Variants in URI1 observed in about 807,000 individuals in gnomAD.
URI1 encodes the protein unconventional prefoldin RPB5 interactor 1.
URI1 carries 39 observed loss-of-function variants against 60.2 expected under a neutral mutation model. The observed-to-expected ratio is 0.65, with a 90% CI of 0.50 to 0.85. The LOEUF (loss-of-function observed/expected upper bound fraction) is 0.85, where lower values mean the gene tolerates loss of function less well. Among genes scored for constraint, URI1 ranks in the 40% least tolerant of loss-of-function variants. The probability of loss-of-function intolerance (pLI) is 0.00; values close to 1 mark genes in which losing one functional copy is unlikely to be tolerated. For synonymous variants in URI1, 251 were observed against 236.8 expected (o/e 1.06, Z -0.55); for missense variants, 691 against 665.9 (o/e 1.04, Z -0.42).
At chr19:29,999,368 G>A (rs2055850411) in intron 4 of URI1, among the ~76,000 whole-genome samples, 1 of 152,066 alleles carries the variant, frequency 6.6e-6, no homozygotes, top group Non-Finnish European at 1.5e-5. Flanking sequence ...GGTGAGGAAT[G>A]CCCTCAACTC....
At chr19:29,983,478 T>G (rs770414526) in intron 2 of URI1, among the ~76,000 whole-genome samples, 13 of 152,226 alleles carry the variant, frequency 8.5e-5, no homozygotes, top group Non-Finnish European at 1.3e-4. Flanking sequence ...TTCTGTGATG[T>G]TTGTCATTTA....
chr19:30,012,185 C>G (rs1042952442), intron 9 of URI1, 100 bp from the exon 10 acceptor site: 1 of 1,379,448 alleles, frequency 7.2e-7, no homozygotes, highest in Non-Finnish European at 9.7e-7. Context: ...TAAAAATTTT[C>G]AGATTAATTT....
At chr19:29,972,956 C>T (rs905569381) in intron 2 of URI1, among the ~76,000 whole-genome samples, 1 of 152,058 alleles carries the variant, frequency 6.6e-6, no homozygotes, top group Non-Finnish European at 1.5e-5. Context: ...TTTGCATTTT[C>T]CTCTGAATCA....
At chr19:30,013,103 G>A (rs1279414634) in intron 10 of URI1, among the ~76,000 whole-genome samples, 1 of 152,150 alleles carries the variant, frequency 6.6e-6, no homozygotes, top group East Asian at 1.9e-4. Context: ...TTTTGGTGGT[G>A]GTGCAGGGGA....
At chr19:29,935,502 T>C (rs971225507) in intron 1 of URI1, among the ~76,000 whole-genome samples, 2 of 152,156 alleles carry the variant, frequency 1.3e-5, no homozygotes, top group Admixed American at 1.3e-4. Flanking sequence ...TTATCAGTGT[T>C]CTTTTTTTTT....
intron 1 of URI1, among the ~76,000 whole-genome samples, chr19:29,950,955 C>T (rs769625681): frequency 6.6e-6 from 1 of 152,152 alleles, no homozygotes; most frequent in East Asian, 1.9e-4. Context: ...CATGAAGAAA[C>T]AAACATTTTT....
chr19:29,936,896 G>A (rs2054978042), intron 1 of URI1, among the ~76,000 whole-genome samples: 1 of 152,116 alleles, frequency 6.6e-6, no homozygotes, highest in Non-Finnish European at 1.5e-5. Context: ...AGGGTTACAG[G>A]TGCGCGTCAC....
In URI1 at chr19:30,009,107, C is replaced by T. The variant is rs1325704849; in HGVS notation, c.789C>T (p.Asp263=). 4 of 1,613,982 alleles carry T rather than the reference C, an allele frequency of 2.5e-6. No homozygotes were observed. Among genetic ancestry groups the T allele is most frequent in the Non-Finnish European group, 3.4e-6 (4 of 1,179,930 alleles). Residue 263 remains aspartate (D), a synonymous_variant, in exon 8 of 11, where the codon GAC becomes GAT. Transcript: ENST00000392271. The part of the protein sequence containing the change: ...TNVNAMHQVT[D]SHTPCHKDVA... ...TGAATGCGATGCATCAAGTAACAGA[C>T]TCTCATACTCCTTGTCATAAGGATG...
At chr19:29,949,962 A>G (rs1002148740) in intron 1 of URI1, among the ~76,000 whole-genome samples, 1 of 151,830 alleles carries the variant, frequency 6.6e-6, no homozygotes, top group African/African-American at 2.4e-5. Flanking sequence ...GAGGTTACTT[A>G]TTTTTTAAGA....
chr19:29,961,642 G>C (rs1363672181), intron 1 of URI1, among the ~76,000 whole-genome samples: 1 of 148,108 alleles, frequency 6.8e-6, no homozygotes, highest in East Asian at 2.0e-4. Context: ...TGGGTGTTTG[G>C]TTTAAGTATC....
intron 4 of URI1, among the ~76,000 whole-genome samples, chr19:29,999,772 GA>G (rs545765023): frequency 6.6e-6 from 1 of 151,792 alleles, no homozygotes; most frequent in Non-Finnish European, 1.5e-5. Flanking sequence ...ACAAATTTAT[GA>G]TTTTAGTTTA....
At chr19:30,006,116 A>T (rs1254574583) in intron 6 of URI1, among the ~76,000 whole-genome samples, 3 of 152,134 alleles carry the variant, frequency 2.0e-5, no homozygotes, top group South Asian at 4.1e-4. Context: ...AGAATGAATG[A>T]ATGTGGGTGT....
chr19:29,925,133 G>T lies in URI1; in HGVS notation c.63+1379G>T, dbSNP rs1318934595. Among the ~76,000 whole-genome samples, 24 of 152,380 alleles carry T rather than the reference G, an allele frequency of 1.6e-4. No homozygotes were observed. In the East Asian group the frequency reaches 3.9e-3, roughly 24 times the overall value. On this transcript the variant is annotated intron_variant, in intron 1 of 10. Coordinates refer to the URI1 transcript ENST00000360605. ...TTACAGGCGTGAGCCACCACACCTTGCTGCACCCTCTCTTGTTGATCCTTC... is the reference window on the plus strand; with the variant it reads ...TTACAGGCGTGAGCCACCACACCTTTCTGCACCCTCTCTTGTTGATCCTTC...
intron 1 of URI1, among the ~76,000 whole-genome samples, chr19:29,966,052 C>T (rs558437488): frequency 6.6e-6 from 1 of 152,208 alleles, no homozygotes; most frequent in Non-Finnish European, 1.5e-5. Context: ...TTGGACTTAG[C>T]TTTCATTAGC....
At chr19:29,974,817 C>G (rs960289254) in intron 2 of URI1, among the ~76,000 whole-genome samples, 1 of 152,172 alleles carries the variant, frequency 6.6e-6, no homozygotes, top group African/African-American at 2.4e-5. Context: ...TTAGCTCCCA[C>G]TTATAAGTGA....
chr19:29,967,327 G>T (rs533572705), intron 1 of URI1, among the ~76,000 whole-genome samples: 1 of 152,272 alleles, frequency 6.6e-6, no homozygotes, highest in South Asian at 2.1e-4. Context: ...GTCCTTCTAG[G>T]TGTCTAACCC....
intron 4 of URI1, among the ~76,000 whole-genome samples, chr19:29,988,570 GT>G (rs2055703026): frequency 1.3e-5 from 2 of 152,216 alleles, no homozygotes; most frequent in Non-Finnish European, 2.9e-5. Context: ...TTCACTTGCT[GT>G]AACGCCTCAT....
intron 4 of URI1, among the ~76,000 whole-genome samples, chr19:29,989,172 G>T (rs2055711341): frequency 6.6e-6 from 1 of 151,630 alleles, no homozygotes; most frequent in Non-Finnish European, 1.5e-5. Context: ...GTGCAGTGGG[G>T]CGATCTTGGC....
At chr19:29,938,120 G>A (rs979199719), upstream of URI1, 1 of 152,188 alleles carries the variant, frequency 6.6e-6, no homozygotes, top group Non-Finnish European at 1.5e-5. Flanking sequence ...GGCTCCCAAA[G>A]TTTTGGGATT....
Sources: allele counts gnomAD v4.1 joint callset (sites outside exome capture counted in the v4.1 genomes callset), GRCh38; gene constraint gnomAD v4.1.1; transcripts MANE v1.5; gene names NCBI Gene and HGNC (gene_info 2026-07-23, HGNC 2026-07-21).